ROBO2: variants seen among roughly 807,000 people sequenced by gnomAD.
ROBO2 encodes the protein roundabout homolog 2.
In ROBO2, 53 loss-of-function variants were observed where a neutral mutation model predicts 160.8. The ratio of observed to expected loss-of-function variants is 0.33; its 90% CI spans 0.26 to 0.41. The LOEUF (loss-of-function observed/expected upper bound fraction) is 0.41. ROBO2 is among the 10% of genes least tolerant of loss of function. The pLI is 1.00. For synonymous variants in ROBO2, 664 were observed against 611.7 expected, an observed-to-expected ratio of 1.09 and a Z score of -1.26; for missense variants, 1,577 against 1,722.4, an observed-to-expected ratio of 0.92 and a Z score of 1.49.
At chr3:76,563,105 A>ATT (rs935715135) in intron 2 of ROBO2, among the ~76,000 whole-genome samples, 2 of 147,712 alleles carry the variant, frequency 1.4e-5, no homozygotes, top group Non-Finnish European at 3.0e-5. Context: ...AAACTGAAGG[A>ATT]TTTTTTTTTT....
At chr3:76,453,278 A>G (rs1184790916) in intron 2 of ROBO2, among the ~76,000 whole-genome samples, 2 of 152,166 alleles carry the variant, frequency 1.3e-5, no homozygotes, top group Admixed American at 1.3e-4. Context: ...GGTAATGCCT[A>G]GGTTTTCTTC....
intron 2 of ROBO2, among the ~76,000 whole-genome samples, chr3:77,372,434 G>A (rs1013984457): frequency 6.6e-6 from 1 of 152,000 alleles, no homozygotes; most frequent in African/African-American, 2.4e-5. Flanking sequence ...GCCATTTATA[G>A]TTTGTAGGAG....
At chr3:77,031,525 A>C (rs1022465756) in intron 2 of ROBO2, among the ~76,000 whole-genome samples, 1 of 146,468 alleles carries the variant, frequency 6.8e-6, no homozygotes, top group Non-Finnish European at 1.5e-5. Flanking sequence ...TCTACTATAT[A>C]ATATATTCAT....
At chr3:75,992,771 G>A (rs2065611371) in intron 2 of ROBO2, among the ~76,000 whole-genome samples, 1 of 152,198 alleles carries the variant, frequency 6.6e-6, no homozygotes, top group Non-Finnish European at 1.5e-5. Context: ...GCTAAACCCT[G>A]CAAAGCCACA....
At chr3:76,905,258 T>C (rs2075517619) in intron 2 of ROBO2, among the ~76,000 whole-genome samples, 1 of 152,014 alleles carries the variant, frequency 6.6e-6, no homozygotes, top group African/African-American at 2.4e-5. Context: ...ACATGTCCTA[T>C]TTGTCAGAAA....
intron 2 of ROBO2, among the ~76,000 whole-genome samples, chr3:77,137,131 C>T (rs766479113): frequency 5.3e-5 from 8 of 152,106 alleles, no homozygotes; most frequent in Non-Finnish European, 7.4e-5. Context: ...TTTATTCTCA[C>T]GACTCTTATT....
At chr3:76,865,676 C>A (rs182545832) in intron 2 of ROBO2, among the ~76,000 whole-genome samples, 9 of 152,200 alleles carry the variant, frequency 5.9e-5, no homozygotes, top group Non-Finnish European at 1.5e-5. Context: ...ATAAATGTCA[C>A]TGATATTTGT....
chr3:77,588,602 G>A, intron 16 of ROBO2, 149 bp from the exon 18 acceptor site: 1 of 713,850 alleles, frequency 1.4e-6, no homozygotes, highest in Non-Finnish European at 2.4e-6. Flanking sequence ...AAAATTATGG[G>A]CTATGCTTAT....
exon 1 of ROBO2, chr3:77,040,328 G>C: frequency 2.0e-6 from 2 of 995,554 alleles, no homozygotes; most frequent in Non-Finnish European, 2.4e-6. Context: ...GAAACCGGGG[G>C]AAAGAAAACC....
At chr3:77,433,662 A>G (rs1347046809) in intron 2 of ROBO2, among the ~76,000 whole-genome samples, 3 of 151,648 alleles carry the variant, frequency 2.0e-5, no homozygotes, top group Admixed American at 1.3e-4. Flanking sequence ...ATAACTCTCA[A>G]ATGTATAACT....
Position 76,484,846 on chromosome 3 carries a change from A to G in ROBO2, c.109+547244A>G, listed in dbSNP as rs772100415. ...AAAGAATAAAAGGAGAATTTTCTAC[A>G]TAAAAAAGTTACTAATATTGATTAT... On this transcript the variant is annotated intron_variant, in intron 2 of 26. Coordinates refer to the ROBO2 transcript ENST00000487694. Among the ~76,000 whole-genome samples the G allele has an allele frequency of 5.9e-4, 90 of 152,184 alleles. 1 individual carries two copies. The highest frequency in any genetic ancestry group is 1.3e-4 in the Non-Finnish European group (9 of 68,032).
intron 2 of ROBO2, among the ~76,000 whole-genome samples, chr3:76,868,392 T>C (rs1444222958): frequency 6.6e-6 from 1 of 152,168 alleles, no homozygotes; most frequent in Non-Finnish European, 1.5e-5. Context: ...TGAACGAGAA[T>C]TGACCACAGA....
At position 77,491,076 on chromosome 3, in the gene ROBO2, C is replaced by T. The variant is rs565021612; in HGVS notation, c.668-2168C>T. Among the ~76,000 whole-genome samples, 264 of 152,272 alleles carry T rather than the reference C, an allele frequency of 1.7e-3. 2 individuals carry two copies. The highest frequency in any genetic ancestry group is 6.1e-3 in the African/African-American group (255 of 41,552). ...ACAGTCCTTGAGTGGTGAACAGGGC[C>T]TTCATGGTCTTATCACTCACTCTCT... is the stretch of plus-strand genomic sequence containing the variant. On this transcript the variant is annotated intron_variant, in intron 4 of 25. Transcript: ENST00000461745.
chr3:77,408,105 A>T (rs549260133), intron 2 of ROBO2, among the ~76,000 whole-genome samples: 155 of 152,164 alleles, frequency 1.0e-3, no homozygotes, highest in Non-Finnish European at 1.8e-3. Flanking sequence ...ACAAAAAAAA[A>T]AATAAACAAA....
At chr3:76,174,406 G>T (rs2073153089) in intron 2 of ROBO2, among the ~76,000 whole-genome samples, 1 of 152,078 alleles carries the variant, frequency 6.6e-6, no homozygotes, top group Admixed American at 6.6e-5. Context: ...TGTTGCAATT[G>T]CTTTTGGTAT....
chr3:77,271,215 C>A (rs1354663664), intron 2 of ROBO2, among the ~76,000 whole-genome samples: 6 of 152,250 alleles, frequency 3.9e-5, no homozygotes, highest in African/African-American at 1.2e-4. Context: ...ATAATATTAT[C>A]TCCTCTGCCT....
intron 2 of ROBO2, among the ~76,000 whole-genome samples, chr3:76,666,782 C>A (rs1365519748): frequency 6.6e-6 from 1 of 151,798 alleles, no homozygotes; most frequent in Non-Finnish European, 1.5e-5. Context: ...CACATAAGCA[C>A]CTTTGGAAAA....
chr3:76,244,492 C>G (rs1409054954), intron 2 of ROBO2, among the ~76,000 whole-genome samples: 3 of 152,172 alleles, frequency 2.0e-5, no homozygotes, highest in Non-Finnish European at 4.4e-5. Flanking sequence ...AAAAATCAAT[C>G]AAGCCCCTAA....
intron 2 of ROBO2, among the ~76,000 whole-genome samples, chr3:76,234,546 T>C (rs1288984504): frequency 6.6e-6 from 1 of 152,202 alleles, no homozygotes; most frequent in Admixed American, 6.5e-5. Flanking sequence ...CCAGCAACTG[T>C]TATTCCTCGA....
Sources: gnomAD v4.1 joint callset for allele counts (sites outside exome capture counted in the v4.1 genomes callset) on GRCh38, gnomAD v4.1.1 for gene constraint, MANE v1.5 for transcripts, NCBI Gene and HGNC (gene_info 2026-07-23, HGNC 2026-07-21) for gene names.